The following GPC5 variants were observed in gnomAD, a reference collection of about 807,000 sequenced individuals.
GPC5 encodes the protein glypican-5.
Under a neutral mutation model 53.9 loss-of-function variants are expected in GPC5, and 47 were observed. The ratio of observed to expected loss-of-function variants is 0.87; its 90% CI spans 0.69 to 1.11. The LOEUF (loss-of-function observed/expected upper bound fraction) is 1.11. Ranked by LOEUF, GPC5 falls within the 50% of genes most tolerant of loss-of-function variation. The probability of loss-of-function intolerance (pLI) is 0.00; values close to 1 mark genes in which losing one functional copy is unlikely to be tolerated. For missense variants in GPC5, 748 were observed against 713.1 expected (o/e 1.05, Z -0.56); for synonymous variants, 286 against 263.3 (o/e 1.09, Z -0.84).
chr13:92,402,987 G>A (rs183906044), intron 7 of GPC5, among the ~76,000 whole-genome samples: 14 of 152,094 alleles, frequency 9.2e-5, no homozygotes, highest in East Asian at 3.9e-4. Flanking sequence ...CAAATCTTTC[G>A]AACGATTACC....
chr13:92,388,450 T>G (rs1315575045), intron 7 of GPC5, among the ~76,000 whole-genome samples: 2 of 152,110 alleles, frequency 1.3e-5, no homozygotes, highest in African/African-American at 4.8e-5. Context: ...AGCATGGATA[T>G]TAACATCATC....
At chr13:92,261,897 T>C (rs191346428) in intron 7 of GPC5, among the ~76,000 whole-genome samples, 2 of 152,286 alleles carry the variant, frequency 1.3e-5, no homozygotes, top group Non-Finnish European at 2.9e-5. Context: ...TTAAGTGCAA[T>C]GTCATTTGTA....
At chr13:91,517,896 T>G (rs1159254695) in intron 2 of GPC5, among the ~76,000 whole-genome samples, 1 of 152,110 alleles carries the variant, frequency 6.6e-6, no homozygotes, top group Non-Finnish European at 1.5e-5. Context: ...TTTACTATCA[T>G]GAGAATAGCA....
intron 7 of GPC5, among the ~76,000 whole-genome samples, chr13:92,210,874 T>C (rs1384011211): frequency 6.6e-6 from 1 of 152,190 alleles, no homozygotes; most frequent in Non-Finnish European, 1.5e-5. Context: ...AAGAGGGCAA[T>C]GAAATAAATC....
chr13:91,426,892 C>A (rs4001655), intron 1 of GPC5, among the ~76,000 whole-genome samples: 100,334 of 152,012 alleles, frequency 0.66, 33,651 homozygotes, highest in African/African-American at 0.76. Flanking sequence ...AGTCAAGTTG[C>A]CACTAAATAT....
At chr13:91,486,501 G>T (rs548336231) in intron 2 of GPC5, 1 of 152,268 alleles carries the variant, frequency 6.6e-6, no homozygotes, top group Non-Finnish European at 1.5e-5. Flanking sequence ...TCAGCTGCAA[G>T]ATTTTTTATT....
chr13:92,278,064 A>T (rs563758100), intron 7 of GPC5, among the ~76,000 whole-genome samples: 1 of 152,046 alleles, frequency 6.6e-6, no homozygotes, highest in East Asian at 1.9e-4. Flanking sequence ...CAAAGATCCT[A>T]GCACTCTCAA....
chr13:92,594,849 CTG>C (rs1478200758), intron 7 of GPC5, among the ~76,000 whole-genome samples: 13 of 152,328 alleles, frequency 8.5e-5, no homozygotes, highest in African/African-American at 3.1e-4. Flanking sequence ...ATAATCATCG[CTG>C]CTTTACTTCA....
intron 7 of GPC5, among the ~76,000 whole-genome samples, chr13:92,677,725 T>G (rs571163568): frequency 1.3e-5 from 2 of 152,130 alleles, no homozygotes; most frequent in Non-Finnish European, 2.9e-5. Context: ...GGACAGTATG[T>G]GTTGAAGAGC....
Position 91,907,874 on chromosome 13 carries a change from T to C in GPC5, c.1281-63T>C, listed in dbSNP as rs958581390. The C allele has an allele frequency of 5.8e-6, 9 of 1,541,996 alleles. No homozygotes were observed. The African/African-American group carries it at 1.1e-4, about 19-fold the overall frequency. ...AATTCCGACCTCAAATATGTTCAGA[T>C]AGCTGTGACAGATAATACCCTGATC... is the stretch of plus-strand genomic sequence containing the variant. On this transcript the variant is annotated intron_variant, in intron 5 of 7. Coordinates refer to ENST00000377067, the MANE Select transcript of GPC5 (RefSeq NM_004466.6).
intron 5 of GPC5, among the ~76,000 whole-genome samples, chr13:91,887,452 A>G (rs1431687460): frequency 6.6e-6 from 1 of 152,194 alleles, no homozygotes; most frequent in Non-Finnish European, 1.5e-5. Context: ...GGTGATTAAC[A>G]TTTGGATCCT....
intron 7 of GPC5, among the ~76,000 whole-genome samples, chr13:92,206,812 G>A (rs1485178637): frequency 1.3e-5 from 2 of 152,124 alleles, no homozygotes; most frequent in Non-Finnish European, 2.9e-5. Context: ...TTAACAATTA[G>A]TTCAATCCAT....
chr13:91,912,875 C>T (rs1319591079), intron 6 of GPC5, among the ~76,000 whole-genome samples: 1 of 152,002 alleles, frequency 6.6e-6, no homozygotes, highest in Non-Finnish European at 1.5e-5. Context: ...ATACATATTG[C>T]CACGTTTTTC....
intron 7 of GPC5, among the ~76,000 whole-genome samples, chr13:92,750,369 A>G (rs1360363866): frequency 1.3e-5 from 2 of 152,098 alleles, no homozygotes; most frequent in Non-Finnish European, 2.9e-5. Context: ...AGTGAACTCT[A>G]TCATTCTGTT....
At chr13:92,758,002 AAAT>A (rs1211599776) in intron 7 of GPC5, among the ~76,000 whole-genome samples, 8 of 151,242 alleles carry the variant, frequency 5.3e-5, no homozygotes, top group Non-Finnish European at 8.8e-5. Flanking sequence ...AAAGGACTAT[AAAT>A]CATGCTGCTA....
intron 4 of GPC5, among the ~76,000 whole-genome samples, chr13:91,745,088 G>T (rs1187452295): frequency 6.6e-6 from 1 of 152,070 alleles, no homozygotes; most frequent in Non-Finnish European, 1.5e-5. Flanking sequence ...TTAATGGGTT[G>T]AAGTCCTTGT....
At chr13:92,392,369 A>C (rs1594162720) in intron 7 of GPC5, among the ~76,000 whole-genome samples, 1 of 152,186 alleles carries the variant, frequency 6.6e-6, no homozygotes, top group African/African-American at 2.4e-5. Context: ...TTGGAGCTGG[A>C]CCCCTTTCTT....
chr13:91,636,069 G>C (rs1489395078), intron 2 of GPC5, among the ~76,000 whole-genome samples: 1 of 151,746 alleles, frequency 6.6e-6, no homozygotes, highest in Non-Finnish European at 1.5e-5. Flanking sequence ...AACAGCGTTA[G>C]GTATTCTGTA....
chr13:92,838,140 C>T (rs550128613), intron 7 of GPC5, among the ~76,000 whole-genome samples: 1 of 151,678 alleles, frequency 6.6e-6, no homozygotes, highest in East Asian at 2.0e-4. Context: ...CTCATTCATG[C>T]ATGATTGCTT....
Sources: gnomAD v4.1 joint callset for allele counts (sites outside exome capture counted in the v4.1 genomes callset) on GRCh38, gnomAD v4.1.1 for gene constraint, MANE v1.5 for transcripts, NCBI Gene and HGNC (gene_info 2026-07-23, HGNC 2026-07-21) for gene names.